Variants in RRAS2 observed in about 807,000 individuals in gnomAD.
RRAS2 encodes RAS related 2.
RRAS2 carries 7 observed loss-of-function variants against 27.6 expected under a neutral mutation model. The ratio of observed to expected loss-of-function variants is 0.25; its 90% CI spans 0.14 to 0.48. The LOEUF (loss-of-function observed/expected upper bound fraction) is 0.48, where lower values mean the gene tolerates loss of function less well. Among genes scored for constraint, RRAS2 ranks in the 20% least tolerant of loss-of-function variants. RRAS2 has a pLI of 0.99. For missense variants in RRAS2, 178 were observed against 256.2 expected (o/e 0.69, Z 2.08); for synonymous variants, 86 against 90.9 (o/e 0.95, Z 0.31).
At chr11:14,308,447 G>A (rs1389574461) in intron 1 of RRAS2, 2 of 229,622 alleles carry the variant, frequency 8.7e-6, no homozygotes, top group Admixed American at 5.8e-5. Flanking sequence ...ACCTATAAAT[G>A]AGGGGTTTGC....
chr11:14,298,050 C>T (rs1360372804), intron 1 of RRAS2, among the ~76,000 whole-genome samples: 1 of 150,984 alleles, frequency 6.6e-6, no homozygotes, highest in East Asian at 1.9e-4. Context: ...GGCACCCATG[C>T]CACTTCAAAA....
chr11:14,280,216 G>GT (rs1307281850), intron 5 of RRAS2, among the ~76,000 whole-genome samples: 18 of 151,842 alleles, frequency 1.2e-4, no homozygotes, highest in Admixed American at 1.2e-3. Context: ...GCATGATGTT[G>GT]TGCAACCATC....
At chr11:14,346,867 T>C (rs1449489572) in intron 1 of RRAS2, among the ~76,000 whole-genome samples, 1 of 152,016 alleles carries the variant, frequency 6.6e-6, no homozygotes, top group East Asian at 1.9e-4. Context: ...AATTTAAAAA[T>C]AAAAAGGCCA....
chr11:14,339,690 A>G (rs1848659452), intron 1 of RRAS2, among the ~76,000 whole-genome samples: 1 of 152,240 alleles, frequency 6.6e-6, no homozygotes. Flanking sequence ...TAAAGTTAAA[A>G]AAGAAAGTTA....
In RRAS2 at chr11:14,294,510, A is replaced by C. The variant is rs782790768; in HGVS notation, c.369T>G (p.Ile123Met). 1.2e-6 allele frequency: 2 copies of C among 1,600,272 alleles called. No homozygotes were observed. The highest frequency in any genetic ancestry group is 1.1e-5 in the South Asian group (1 of 87,032). The change falls in exon 4 of 6, where the codon ATT becomes ATG. Residue 123 changes from isoleucine to methionine, a missense_variant. Transcript: ENST00000256196. ...RVKDRDEFPM[I>M]LIGNKADLDH... ...CCAGATCTGCTTTATTACCAATTAA[A>C]ATCATTGGGAACTCATCACGATCCT...
chr11:14,295,066 T>G (rs1390603303), intron 2 of RRAS2, among the ~76,000 whole-genome samples: 12 of 152,168 alleles, frequency 7.9e-5, no homozygotes, highest in Admixed American at 6.5e-4. Flanking sequence ...TCTTCATCAG[T>G]ATGGGTTGAC....
intron 1 of RRAS2, among the ~76,000 whole-genome samples, chr11:14,297,549 C>T (rs572387955): frequency 1.3e-5 from 2 of 152,208 alleles, no homozygotes; most frequent in Admixed American, 1.3e-4. Flanking sequence ...ATTACTTGAG[C>T]CCAGGAGTTC....
chr11:14,284,896 T>A (rs942631173), intron 4 of RRAS2, among the ~76,000 whole-genome samples: 9 of 152,246 alleles, frequency 5.9e-5, no homozygotes, highest in African/African-American at 2.2e-4. Flanking sequence ...CTTTAACCTT[T>A]GTGTCTTCAC....
At chr11:14,297,940 C>G (rs1177489848) in intron 1 of RRAS2, among the ~76,000 whole-genome samples, 4 of 151,300 alleles carry the variant, frequency 2.6e-5, no homozygotes, top group African/African-American at 9.7e-5. Context: ...ATCTCCTCCA[C>G]CACTCCATCA....
intron 1 of RRAS2, among the ~76,000 whole-genome samples, chr11:14,329,060 CATAT>C (rs1274041463): frequency 3.9e-5 from 4 of 102,750 alleles, no homozygotes; most frequent in South Asian, 3.8e-4. Context: ...TATACACACA[CATAT>C]ACATACACAC....
chr11:14,334,857 TTC>T (rs782503475), intron 1 of RRAS2, among the ~76,000 whole-genome samples: 7 of 152,188 alleles, frequency 4.6e-5, no homozygotes, highest in Non-Finnish European at 7.3e-5. Flanking sequence ...ACAAGACACC[TTC>T]TTTTTCTAAA....
At chr11:14,316,698 G>C (rs1003851345) in intron 1 of RRAS2, among the ~76,000 whole-genome samples, 1 of 152,156 alleles carries the variant, frequency 6.6e-6, no homozygotes, top group Non-Finnish European at 1.5e-5. Context: ...AGCTATGATC[G>C]CACCACTGCA....
chr11:14,291,038 G>C (rs1186748110), intron 4 of RRAS2, among the ~76,000 whole-genome samples: 1 of 152,170 alleles, frequency 6.6e-6, no homozygotes, highest in Non-Finnish European at 1.5e-5. Context: ...TGGAGAAGTT[G>C]ATCATAGACA....
At chr11:14,298,704 C>T (rs1057127332) in intron 1 of RRAS2, among the ~76,000 whole-genome samples, 2 of 152,142 alleles carry the variant, frequency 1.3e-5, no homozygotes, top group African/African-American at 2.4e-5. Flanking sequence ...ACTGGCTACA[C>T]GTAAATTGTA....
At chr11:14,300,997 G>A (rs1847686283) in intron 1 of RRAS2, among the ~76,000 whole-genome samples, 1 of 152,160 alleles carries the variant, frequency 6.6e-6, no homozygotes, top group African/African-American at 2.4e-5. Context: ...TACCACCCTT[G>A]CATAGAAAAA....
intron 1 of RRAS2, among the ~76,000 whole-genome samples, chr11:14,347,590 C>T (rs1207898394): frequency 6.6e-6 from 1 of 152,116 alleles, no homozygotes; most frequent in African/African-American, 2.4e-5. Context: ...GAGGCCAAGA[C>T]AGGAGGATCA....
At chr11:14,363,117 G>A (rs1328484402), upstream of RRAS2, among the ~76,000 whole-genome samples, 4 of 152,194 alleles carry the variant, frequency 2.6e-5, no homozygotes, top group Non-Finnish European at 5.9e-5. Flanking sequence ...TAGCAACACT[G>A]GACTGGCGTT....
At chr11:14,286,305 G>A (rs1463910038) in intron 4 of RRAS2, among the ~76,000 whole-genome samples, 2 of 152,094 alleles carry the variant, frequency 1.3e-5, no homozygotes, top group Admixed American at 6.5e-5. Flanking sequence ...TCAGGTATCA[G>A]ATATTTTGTA....
chr11:14,338,328 C>CTGAA (rs1848628934), intron 1 of RRAS2, among the ~76,000 whole-genome samples: 1 of 152,144 alleles, frequency 6.6e-6, no homozygotes, highest in South Asian at 2.1e-4. Context: ...TATCCCTTAT[C>CTGAA]TGAAATACTT....
Sources: allele counts gnomAD v4.1 joint callset (sites outside exome capture counted in the v4.1 genomes callset), GRCh38; gene constraint gnomAD v4.1.1; transcripts MANE v1.5; gene names NCBI Gene and HGNC (gene_info 2026-07-23, HGNC 2026-07-21).